Variants in ISX observed in about 807,000 individuals in gnomAD.
ISX encodes intestine specific homeobox.
Under a neutral mutation model 16.9 loss-of-function variants are expected in ISX, and 15 were observed. The ratio of observed to expected loss-of-function variants is 0.89; its 90% CI spans 0.59 to 1.36. ISX has a LOEUF of 1.36. Among genes scored for constraint, ISX ranks in the 40% most tolerant of loss-of-function variants. The pLI is 0.00. For missense variants in ISX, 316 were observed against 306.1 expected, an observed-to-expected ratio of 1.03 and a Z score of -0.24; for synonymous variants, 125 against 119.7, an observed-to-expected ratio of 1.04 and a Z score of -0.29.
intron 2 of ISX, among the ~76,000 whole-genome samples, chr22:35,078,763 C>T (rs902169906): frequency 6.6e-6 from 1 of 152,250 alleles, no homozygotes; most frequent in Non-Finnish European, 1.5e-5. Flanking sequence ...CTGAGGCAAC[C>T]GGGCCTGGTG....
intron 2 of ISX, among the ~76,000 whole-genome samples, chr22:35,081,394 A>C (rs1288708890): frequency 1.3e-5 from 2 of 152,212 alleles, no homozygotes; most frequent in African/African-American, 4.8e-5. Flanking sequence ...TGTGCTTAGA[A>C]GGAGGCCCTG....
At chr22:35,069,616 C>A (rs1928796975) in intron 2 of ISX, among the ~76,000 whole-genome samples, 1 of 152,190 alleles carries the variant, frequency 6.6e-6, no homozygotes, top group Non-Finnish European at 1.5e-5. Context: ...GGTCATGATC[C>A]CAGGCAGGGC....
At chr22:35,082,005 G>A (rs1026038419) in intron 2 of ISX, among the ~76,000 whole-genome samples, 3 of 152,202 alleles carry the variant, frequency 2.0e-5, no homozygotes, top group African/African-American at 7.2e-5. Flanking sequence ...CCTTTACTTT[G>A]CAGACCAAGA....
At position 35,075,643 on chromosome 22, in the gene ISX, AGTGTGGGTAT is replaced by A. The variant is rs1188658776; in HGVS notation, c.230-6866_230-6857del. Reference sequence around the variant, plus strand: ...AATACGTAAGTAAAAAGTATGGGTGAGTGTGGGTATGTGTGGGTGTGTGGTGGGGGGAGTA... The same window carrying A: ...AATACGTAAGTAAAAAGTATGGGTGAGTGTGGGTGTGTGGTGGGGGGAGTA... On this transcript the variant is annotated intron_variant, in intron 2 of 4. Coordinates refer to ENST00000404699, the MANE Select transcript of ISX (RefSeq NM_001303508.2). Among the ~76,000 whole-genome samples, 4 of 152,192 alleles carry A rather than the reference AGTGTGGGTAT, an allele frequency of 2.6e-5. No homozygotes were observed. In the East Asian group the frequency reaches 7.7e-4, roughly 29 times the overall value.
In ISX at chr22:35,067,152, A is replaced by T; in HGVS notation, c.65A>T (p.Glu22Val). The T allele has an allele frequency of 6.2e-7, 1 of 1,613,974 alleles. No homozygotes were observed. Among genetic ancestry groups the T allele is most frequent in the East Asian group, 2.2e-5 (1 of 44,864 alleles). Residue 22 changes from glutamate (E) to valine (V), a missense_variant, in exon 2 of 5, where the codon GAG (glutamate) becomes GTG (valine). Glu to Val is a moderately radical substitution (Grantham distance 121). Transcript: ENST00000404699. Reference protein sequence around the residue: ...GMERNSLGCCEAPKKLSLSFS... With the variant: ...GMERNSLGCCVAPKKLSLSFS... ...GAGAGAAATAGCTTGGGGTGCTGTGAGGCCCCGAAGAAGCTGAGCCTGTCC... is the reference window on the plus strand; with the variant it reads ...GAGAGAAATAGCTTGGGGTGCTGTGTGGCCCCGAAGAAGCTGAGCCTGTCC...
chr22:35,074,902 C>T (rs577735940), intron 2 of ISX, among the ~76,000 whole-genome samples: 2 of 152,248 alleles, frequency 1.3e-5, no homozygotes, highest in Admixed American at 1.3e-4. Flanking sequence ...AACACACGCA[C>T]ACATGCACAC....
chr22:35,067,956 G>A (rs747872387), intron 2 of ISX, among the ~76,000 whole-genome samples: 90 of 152,186 alleles, frequency 5.9e-4, no homozygotes, highest in Non-Finnish European at 1.0e-3. Flanking sequence ...CAGGTAGATC[G>A]AGAGCTGGCT....
In ISX at chr22:35,085,489, G is replaced by A. The variant is rs757456107; in HGVS notation, c.534G>A (p.Leu178=). ...GGACATCCACTGCTCTGCGCAGGCT[G>A]GCTCCTCCCACGAGCTGTTGTCCAT... The part of the protein sequence containing the change: ...PTWTSTALRR[L]APPTSCCPSA... Residue 178 remains leucine, a synonymous_variant, in exon 5 of 5, where the codon CTG becomes CTA. Transcript: ENST00000404699. 6.2e-7 allele frequency: 1 copy of A among 1,614,212 alleles called. No homozygotes were observed.
rs777506998 is a variant in ISX at position 35,084,419 on chromosome 22, CAGG to C, written c.421_423del (p.Glu141del). On this transcript the variant is annotated inframe_deletion, in exon 4 of 5. Coordinates refer to ENST00000404699, the MANE Select transcript of ISX (RefSeq NM_001303508.2). ...GAATCAGCGAGCCAAGTGGCGGAAG[CAGG>C]AGAAGATTGGCAACCTGGGGGCTCC... 57 of 1,613,846 alleles carry C rather than the reference CAGG, an allele frequency of 3.5e-5. No individual in the cohort carries two copies. The South Asian group carries it at 5.2e-4, about 15-fold the overall frequency.
chr22:35,085,503 GCTGTTGT>G lies in ISX; in HGVS notation c.550_556del (p.Cys184HisfsTer119). On this transcript the variant is annotated frameshift_variant, in exon 5 of 5. Transcript: ENST00000404699. LOFTEE classifies it low-confidence loss of function (END_TRUNC). ...CTGCGCAGGCTGGCTCCTCCCACGAGCTGTTGTCCATCGGCTCAAGATCAGCTGGCCT... is the reference window on the plus strand; with the variant it reads ...CTGCGCAGGCTGGCTCCTCCCACGAGCCATCGGCTCAAGATCAGCTGGCCT... The G allele has an allele frequency of 1.2e-6, 2 of 1,614,184 alleles. No individual in the cohort carries two copies. The highest frequency in any genetic ancestry group is 2.2e-5 in the South Asian group (2 of 91,088).
In ISX at chr22:35,068,626, C is replaced by T. The variant is rs13055570; in HGVS notation, c.229+1310C>T. On this transcript the variant is annotated intron_variant, in intron 2 of 4. Transcript: ENST00000404699. ...TGAGAGAGAGGTCTCGCTTTTCCTACCAGAGAAGCTTCCCTTCCCCTAGCC... is the reference window on the plus strand; with the variant it reads ...TGAGAGAGAGGTCTCGCTTTTCCTATCAGAGAAGCTTCCCTTCCCCTAGCC... 4.6e-3 allele frequency among the ~76,000 whole-genome samples: 704 copies of T among 152,338 alleles called. 6 individuals carry two copies. The highest frequency in any genetic ancestry group is 7.0e-3 in the South Asian group (34 of 4,826).
chr22:35,082,452 C>A, intron 2 of ISX, 66 bp from the exon 3 acceptor site: 2 of 1,548,196 alleles, frequency 1.3e-6, no homozygotes, highest in Non-Finnish European at 1.8e-6. Context: ...GACAAGGCAA[C>A]ACAAAAACCC....
intron 2 of ISX, among the ~76,000 whole-genome samples, chr22:35,069,118 A>G (rs1176857838): frequency 6.6e-6 from 1 of 152,208 alleles, no homozygotes; most frequent in East Asian, 1.9e-4. Context: ...TCCTGTAATT[A>G]CTTTTATACT....
At position 35,085,553 on chromosome 22, in the gene ISX, T is replaced by A; in HGVS notation, c.598T>A (p.Trp200Arg). 1 of 1,614,230 alleles carries A rather than the reference T, an allele frequency of 6.2e-7. No individual in the cohort carries two copies. The highest frequency in any genetic ancestry group is 8.5e-7 in the Non-Finnish European group (1 of 1,180,038). The change falls in exon 5 of 5, where the codon TGG becomes AGG. Residue 200 changes from tryptophan to arginine, a missense_variant. Transcript: ENST00000404699. ...GCTGGCCTCTGCCTGGTTCCCTGCC[T>A]GGATCACCCTCCTCCCAGCGCACCC... ...DQLASAWFPA[W>R]ITLLPAHPWE...
chr22:35,069,985 C>G (rs1471111985), intron 2 of ISX, among the ~76,000 whole-genome samples: 1 of 152,222 alleles, frequency 6.6e-6, no homozygotes, highest in Non-Finnish European at 1.5e-5. Context: ...TGCATTCTAA[C>G]AAGCTCTCCC....
chr22:35,077,977 G>A (rs1387288353), intron 2 of ISX, among the ~76,000 whole-genome samples: 1 of 152,092 alleles, frequency 6.6e-6, no homozygotes, highest in East Asian at 1.9e-4. Context: ...GTAAATGGAG[G>A]AGACGGCTTA....
Position 35,085,984 on chromosome 22 carries a change from G to C in ISX, c.*291G>C. 2.2e-6 allele frequency: 1 copy of C among 456,044 alleles called. No individual in the cohort carries two copies. Among genetic ancestry groups the C allele is most frequent in the South Asian group, 2.2e-5 (1 of 45,494 alleles). 28.2% of individuals were successfully genotyped at this position (456,044 alleles called of 1,614,324 possible). On this transcript the variant is annotated 3_prime_UTR_variant, in exon 5 of 5. Coordinates refer to ENST00000404699, the MANE Select transcript of ISX (RefSeq NM_001303508.2). ...ATAGGGAGGTAATCCTCCAGCACCT[G>C]TGTTTCCTCTAACTTGCTGTGTGAC...
chr22:35,068,788 C>T (rs1239438675), intron 2 of ISX, among the ~76,000 whole-genome samples: 1 of 152,186 alleles, frequency 6.6e-6, no homozygotes, highest in South Asian at 2.1e-4. Flanking sequence ...GTGGTGACAT[C>T]GGATGGTGGT....
chr22:35,078,459 T>C (rs918739320), intron 2 of ISX, among the ~76,000 whole-genome samples: 1 of 121,202 alleles, frequency 8.3e-6, no homozygotes, highest in African/African-American at 2.8e-5. Flanking sequence ...AGAATAAATA[T>C]CTTTTTTTAA....
Sources: allele counts gnomAD v4.1 joint callset (sites outside exome capture counted in the v4.1 genomes callset), GRCh38; gene constraint gnomAD v4.1.1; transcripts MANE v1.5; gene names NCBI Gene and HGNC (gene_info 2026-07-23, HGNC 2026-07-21).